Variants in SLC8A1 observed in about 807,000 individuals in gnomAD.
SLC8A1 encodes the protein solute carrier family 8 member A1.
Under a neutral mutation model 68.3 loss-of-function variants are expected in SLC8A1, and 18 were observed. The ratio of observed to expected loss-of-function variants is 0.26; its 90% confidence interval spans 0.18 to 0.39. The LOEUF is 0.39. Ranked by LOEUF, SLC8A1 falls within the 10% of genes least tolerant of loss-of-function variation. The pLI, the probability that SLC8A1 is intolerant of heterozygous loss-of-function variation, is 1.00. For synonymous variants in SLC8A1, 475 were observed against 415.5 expected (o/e 1.14, Z -1.74); for missense variants, 985 against 1,156.7 (o/e 0.85, Z 2.15).
In SLC8A1 at chr2:40,378,866, T is replaced by G. The variant is rs1005084105; in HGVS notation, c.1808+49607A>C. 3.9e-5 allele frequency among the ~76,000 whole-genome samples: 6 copies of G among 152,166 alleles called. No homozygotes were observed. The South Asian group carries it at 1.2e-3, about 32-fold the overall frequency. On this transcript the variant is annotated intron_variant, in intron 2 of 7. Transcript: ENST00000406785. ...AGCTCAATGCCACCTCCTAGAGAGG[T>G]CTTCTTTGACCATATTCTAAAGTAG...
intron 2 of SLC8A1, among the ~76,000 whole-genome samples, chr2:40,197,076 G>A (rs2148678343): frequency 6.6e-6 from 1 of 152,198 alleles, no homozygotes; most frequent in East Asian, 1.9e-4. Flanking sequence ...CCACACATCA[G>A]TGGCTGCAAA....
intron 2 of SLC8A1, among the ~76,000 whole-genome samples, chr2:40,425,951 C>T (rs566422762): frequency 1.3e-5 from 2 of 151,978 alleles, no homozygotes; most frequent in African/African-American, 2.4e-5. Context: ...GCACTATTCC[C>T]AATAGCAAAG....
intron 2 of SLC8A1, among the ~76,000 whole-genome samples, chr2:40,320,262 T>A (rs956480460): frequency 2.6e-5 from 4 of 152,064 alleles, no homozygotes. Flanking sequence ...TTTTTTTCAA[T>A]GCAAAAATAA....
intron 2 of SLC8A1, among the ~76,000 whole-genome samples, chr2:40,420,999 A>T (rs1257284383): frequency 6.6e-6 from 1 of 152,170 alleles, no homozygotes; most frequent in Non-Finnish European, 1.5e-5. Flanking sequence ...TGCAAAGATT[A>T]AGTCATACGG....
At chr2:40,374,406 GATGAA>G (rs1679137831) in intron 2 of SLC8A1, among the ~76,000 whole-genome samples, 1 of 151,520 alleles carries the variant, frequency 6.6e-6, no homozygotes, top group East Asian at 1.9e-4. Flanking sequence ...AAAAAGAAAA[GATGAA>G]ATGAATAAAA....
rs142821947 is a variant in SLC8A1, at chr2:40,262,386, G to C, written c.1809-84531C>G. ...CTTCTCCAGGTGAGAGGTTGGTATA[G>C]ATTTTTATGAGGCTTTATCATAACT... On this transcript the variant is annotated intron_variant, in intron 2 of 7. Transcript: ENST00000406785. 3.1e-3 allele frequency among the ~76,000 whole-genome samples: 468 copies of C among 152,324 alleles called. 1 individual carries two copies. Among genetic ancestry groups the C allele is most frequent in the African/African-American group, 0.011 (446 of 41,574 alleles).
At chr2:40,462,105 C>T (rs1223062115) in intron 1 of SLC8A1, among the ~76,000 whole-genome samples, 1 of 145,796 alleles carries the variant, frequency 6.9e-6, no homozygotes, top group East Asian at 2.0e-4. Context: ...CTCCTGGGTT[C>T]GAGCAATTCT....
chr2:40,276,970 A>G (rs1193394798), intron 2 of SLC8A1, among the ~76,000 whole-genome samples: 3 of 152,250 alleles, frequency 2.0e-5, no homozygotes, highest in Non-Finnish European at 4.4e-5. Flanking sequence ...AAGTCTAAAC[A>G]GAAGGACAAT....
At chr2:40,440,602 G>C (rs1366231015) in intron 1 of SLC8A1, among the ~76,000 whole-genome samples, 1 of 152,214 alleles carries the variant, frequency 6.6e-6, no homozygotes, top group East Asian at 1.9e-4. Flanking sequence ...TGGGAAGACA[G>C]ATGACAGATG....
At chr2:40,307,253 G>A (rs960332237) in intron 2 of SLC8A1, among the ~76,000 whole-genome samples, 2 of 151,906 alleles carry the variant, frequency 1.3e-5, no homozygotes, top group Non-Finnish European at 2.9e-5. Flanking sequence ...CATGGTACAC[G>A]GTTGAACTTT....
At chr2:40,369,351 C>T (rs1012236046) in intron 2 of SLC8A1, among the ~76,000 whole-genome samples, 9 of 152,058 alleles carry the variant, frequency 5.9e-5, no homozygotes, top group Non-Finnish European at 1.0e-4. Flanking sequence ...TGTCTGCAAC[C>T]TCAGTGTTCA....
At position 40,176,119 on chromosome 2, in the gene SLC8A1, T is replaced by C. The variant is rs923253744; in HGVS notation, c.1913-1277A>G. The stretch of plus-strand genomic sequence containing the variant: ...CACTTTATTTTAGTAAAAGCAACCT[T>C]GCTAAATATATCAAATTATTTCCTG... On this transcript the variant is annotated intron_variant, in intron 3 of 7. Transcript: ENST00000406785. 21 of 220,160 alleles carry C rather than the reference T, an allele frequency of 9.5e-5. No individual in the cohort carries two copies. In the East Asian group the frequency reaches 2.0e-3, roughly 21 times the overall value. 13.6% of individuals were successfully genotyped at this position (220,160 alleles called of 1,614,324 possible). A position where few individuals can be genotyped will look rare whatever the true frequency, so the allele number is the denominator to read the frequency against.
intron 6 of SLC8A1, among the ~76,000 whole-genome samples, chr2:40,148,513 G>A (rs776160036): frequency 9.2e-5 from 14 of 152,116 alleles, no homozygotes; most frequent in African/African-American, 2.2e-4. Flanking sequence ...TGATGGCCTC[G>A]GTTTGCACAA....
chr2:40,139,360 C>A (rs2041133114), intron 7 of SLC8A1, 41 bp downstream of exon 10: 2 of 1,605,004 alleles, frequency 1.2e-6, no homozygotes, highest in Non-Finnish European at 1.7e-6. Context: ...GGCAAATGAA[C>A]TTCTGCTACT....
intron 2 of SLC8A1, among the ~76,000 whole-genome samples, chr2:40,189,396 C>G (rs1041495889): frequency 6.6e-6 from 1 of 152,228 alleles, no homozygotes; most frequent in Non-Finnish European, 1.5e-5. Flanking sequence ...TCTCGGCTCA[C>G]TGTAACCTCT....
At chr2:40,417,367 TG>T (rs1229284934) in intron 2 of SLC8A1, among the ~76,000 whole-genome samples, 2 of 152,084 alleles carry the variant, frequency 1.3e-5, no homozygotes, top group Non-Finnish European at 2.9e-5. Flanking sequence ...GAGACATCAT[TG>T]GGAATTGTAA....
chr2:40,363,847 C>T (rs769957737), intron 2 of SLC8A1, among the ~76,000 whole-genome samples: 1 of 151,992 alleles, frequency 6.6e-6, no homozygotes. Context: ...TGACTCTGAA[C>T]AGTCACATTA....
rs1225283526 is a variant in SLC8A1 at position 40,254,200 on chromosome 2, A to AGCTAATTCCAACTG, written c.1809-76359_1809-76346dup. ...AATTAATATAAAAAAAGAAAATAAAAGCTAATTCCAACTGCTAAGTCATTG... is the reference window on the plus strand; with the variant it reads ...AATTAATATAAAAAAAGAAAATAAAAGCTAATTCCAACTGGCTAATTCCAACTGCTAAGTCATTG... On this transcript the variant is annotated intron_variant, in intron 2 of 7. Coordinates refer to ENST00000406785, the Ensembl canonical transcript of SLC8A1. Among the ~76,000 whole-genome samples the AGCTAATTCCAACTG allele has an allele frequency of 5.9e-5, 9 of 152,314 alleles. No homozygotes were observed. The East Asian group carries it at 1.7e-3, about 29-fold the overall frequency.
At chr2:40,317,056 C>T (rs1442885157) in intron 2 of SLC8A1, among the ~76,000 whole-genome samples, 1 of 152,026 alleles carries the variant, frequency 6.6e-6, no homozygotes, top group African/African-American at 2.4e-5. Context: ...AAACTAATAG[C>T]ATTCAGTTTT....
Sources: gnomAD v4.1 joint callset for allele counts (sites outside exome capture counted in the v4.1 genomes callset) on GRCh38, gnomAD v4.1.1 for gene constraint, MANE v1.5 for transcripts, NCBI Gene and HGNC (gene_info 2026-07-23, HGNC 2026-07-21) for gene names.